RLN2: variants seen among roughly 807,000 people sequenced by gnomAD.
RLN2 encodes prorelaxin H2.
In RLN2, 10 loss-of-function variants were observed where a neutral mutation model predicts 7.3. The ratio of observed to expected loss-of-function variants is 1.36; its 90% CI spans 0.84 to 2.31. The LOEUF (loss-of-function observed/expected upper bound fraction) is 2.31. RLN2 is among the 30% of genes most tolerant of loss of function. The probability of loss-of-function intolerance (pLI) is 0.00; values close to 1 mark genes in which losing one functional copy is unlikely to be tolerated. For synonymous variants in RLN2, 103 were observed against 82.3 expected (o/e 1.25, Z -1.36); for missense variants, 298 against 217.6 (o/e 1.37, Z -2.32).
At position 5,300,431 on chromosome 9, in the gene RLN2, G is replaced by C. The variant is rs763441288; in HGVS notation, c.225C>G (p.Ser75=). 1.9e-6 allele frequency: 3 copies of C among 1,600,614 alleles called. No individual in the cohort carries two copies. The South Asian group carries it at 3.4e-5, about 18-fold the overall frequency. ...TPRPVAEIVP[S]FINKDTETIN... ...TGGTTTCTGTATCTTTGTTGATGAA[G>C]GATGGCACAATTTCTGTTAAATTTA... Residue 75 remains serine, a synonymous_variant, in exon 2 of 2, where the codon TCC becomes TCG. Transcript: ENST00000381627.
the RLN2 span, among the ~76,000 whole-genome samples, chr9:5,332,313 T>A: frequency 6.6e-6 from 1 of 152,010 alleles, no homozygotes; most frequent in African/African-American, 2.4e-5. Context: ...AAGCTTTCTA[T>A]ATGAAGTGCA....
At chr9:5,317,491 G>A in the RLN2 span, among the ~76,000 whole-genome samples, 2 of 149,458 alleles carry the variant, frequency 1.3e-5, no homozygotes, top group East Asian at 2.0e-4. Context: ...AGAACGAAGA[G>A]CTCTGAGGGA....
the RLN2 span, among the ~76,000 whole-genome samples, chr9:5,327,043 T>A: frequency 6.6e-6 from 1 of 151,924 alleles, no homozygotes; most frequent in Non-Finnish European, 1.5e-5. Context: ...CTGGAACTGG[T>A]TGAACAGTGG....
chr9:5,305,712 A>G (rs1250132276), upstream of RLN2, among the ~76,000 whole-genome samples: 1 of 152,090 alleles, frequency 6.6e-6, no homozygotes, highest in Non-Finnish European at 1.5e-5. Flanking sequence ...GTTCAGCTCC[A>G]TCAGATAAAC....
the RLN2 span, among the ~76,000 whole-genome samples, chr9:5,317,221 T>G: frequency 6.6e-6 from 1 of 151,990 alleles, no homozygotes; most frequent in Non-Finnish European, 1.5e-5. Flanking sequence ...CTATCAATAA[T>G]TACTTTGAAT....
the RLN2 span, among the ~76,000 whole-genome samples, chr9:5,333,501 G>C: frequency 6.6e-6 from 1 of 151,840 alleles, no homozygotes; most frequent in Non-Finnish European, 1.5e-5. Context: ...AATAGACAAT[G>C]AGTTCTGAAA....
the RLN2 span, among the ~76,000 whole-genome samples, chr9:5,316,113 A>G: frequency 6.6e-6 from 1 of 151,992 alleles, no homozygotes; most frequent in African/African-American, 2.4e-5. Context: ...AAGGTTAAAA[A>G]CCAAAAGAGT....
upstream of RLN2, among the ~76,000 whole-genome samples, chr9:5,308,029 GT>G (rs888849412): frequency 6.6e-6 from 1 of 150,562 alleles, no homozygotes; most frequent in Non-Finnish European, 1.5e-5. Flanking sequence ...CATTGGATCT[GT>G]TTTTTTTCTA....
chr9:5,316,434 T>C, the RLN2 span, among the ~76,000 whole-genome samples: 1 of 151,958 alleles, frequency 6.6e-6, no homozygotes, highest in Non-Finnish European at 1.5e-5. Context: ...AATGCTATCC[T>C]CCCACTAGCC....
At chr9:5,330,803 C>G in the RLN2 span, among the ~76,000 whole-genome samples, 1 of 146,716 alleles carries the variant, frequency 6.8e-6, no homozygotes, top group Non-Finnish European at 1.5e-5. Context: ...ATCAATGAAT[C>G]CAGGAGCTGG....
chr9:5,305,458 C>A (rs1233635262), upstream of RLN2, among the ~76,000 whole-genome samples: 1 of 144,364 alleles, frequency 6.9e-6, no homozygotes, highest in Admixed American at 7.0e-5. Context: ...TCCCACAATC[C>A]CACAAAGAAT....
chr9:5,335,545 C>A, the RLN2 span: 10 of 1,611,970 alleles, frequency 6.2e-6, no homozygotes, highest in East Asian at 2.2e-4. Context: ...CAATGAATTC[C>A]AACATGATAA....
the RLN2 span, among the ~76,000 whole-genome samples, chr9:5,321,007 CATCTT>C: frequency 1.3e-5 from 2 of 152,086 alleles, no homozygotes; most frequent in Admixed American, 1.3e-4. Flanking sequence ...ACATGATTCT[CATCTT>C]AAAATTATAC....
At chr9:5,334,981 G>A in the RLN2 span, 3 of 317,916 alleles carry the variant, frequency 9.4e-6, no homozygotes, top group African/African-American at 6.5e-5. Context: ...AGTGGCAAAG[G>A]TTTTATTGTA....
chr9:5,330,838 G>T, the RLN2 span, among the ~76,000 whole-genome samples: 5 of 146,540 alleles, frequency 3.4e-5, no homozygotes, highest in South Asian at 4.3e-4. Flanking sequence ...CAACAAAATA[G>T]ATAGACCACT....
chr9:5,310,812 A>C, the RLN2 span, among the ~76,000 whole-genome samples: 3 of 152,124 alleles, frequency 2.0e-5, no homozygotes, highest in Non-Finnish European at 4.4e-5. Context: ...ACTTAAACAG[A>C]AACATACACT....
At chr9:5,309,445 T>C (rs1021389086), upstream of RLN2, among the ~76,000 whole-genome samples, 7 of 151,930 alleles carry the variant, frequency 4.6e-5, no homozygotes, top group African/African-American at 9.7e-5. Flanking sequence ...CCAGGAGCAT[T>C]TTCCTTTCCC....
intron 1 of RLN2, among the ~76,000 whole-genome samples, chr9:5,301,796 C>T (rs921622427): frequency 6.6e-6 from 1 of 151,570 alleles, no homozygotes; most frequent in African/African-American, 2.4e-5. Flanking sequence ...CCCTTCTAGC[C>T]AACAAAAAAA....
the RLN2 span, among the ~76,000 whole-genome samples, chr9:5,328,537 T>C: frequency 1.3e-5 from 2 of 151,870 alleles, no homozygotes; most frequent in Admixed American, 1.3e-4. Flanking sequence ...CAGGCCAACA[T>C]TCAAATTCAG....
Sources: gnomAD v4.1 joint callset for allele counts (sites outside exome capture counted in the v4.1 genomes callset) on GRCh38, gnomAD v4.1.1 for gene constraint, MANE v1.5 for transcripts, NCBI Gene and HGNC (gene_info 2026-07-23, HGNC 2026-07-21) for gene names.